KIF26B: variants seen among roughly 807,000 people sequenced by gnomAD.
KIF26B encodes kinesin-like protein KIF26B.
In KIF26B, 63 loss-of-function variants were observed where a neutral mutation model predicts 151.2. The ratio of observed to expected loss-of-function variants is 0.42; its 90% CI spans 0.34 to 0.51. The LOEUF (loss-of-function observed/expected upper bound fraction) is 0.51, where lower values mean the gene tolerates loss of function less well. Ranked by LOEUF, KIF26B falls within the 20% of genes least tolerant of loss-of-function variation. The probability of loss-of-function intolerance (pLI) is 0.07; values close to 1 mark genes in which losing one functional copy is unlikely to be tolerated. For missense variants in KIF26B, 2,813 were observed against 2,913.6 expected (o/e 0.97, Z 0.79); for synonymous variants, 1,357 against 1,262.1 (o/e 1.08, Z -1.59).
chr1:245,695,319 C>G (rs759356519), intron 12 of KIF26B, among the ~76,000 whole-genome samples: 1 of 152,134 alleles, frequency 6.6e-6, no homozygotes, highest in South Asian at 2.1e-4. Flanking sequence ...CCCTTCAGGC[C>G]ACTTCACTCC....
chr1:245,238,580 G>A (rs866614795), intron 2 of KIF26B, among the ~76,000 whole-genome samples: 14 of 152,224 alleles, frequency 9.2e-5, no homozygotes, highest in Middle Eastern at 3.4e-3. Context: ...GAACAATTGG[G>A]CTGGGCATGG....
intron 2 of KIF26B, among the ~76,000 whole-genome samples, chr1:245,347,130 T>C (rs938548595): frequency 6.6e-6 from 1 of 152,158 alleles, no homozygotes; most frequent in Non-Finnish European, 1.5e-5. Flanking sequence ...ACCATTAACT[T>C]CTAGTGGGCT....
chr1:245,476,007 CA>C (rs1175117378), intron 4 of KIF26B, among the ~76,000 whole-genome samples: 1 of 151,794 alleles, frequency 6.6e-6, no homozygotes, highest in African/African-American at 2.4e-5. Flanking sequence ...GGAAGTAACC[CA>C]AAGGTCTATC....
At chr1:245,459,403 T>C (rs1384500190) in intron 4 of KIF26B, among the ~76,000 whole-genome samples, 1 of 152,252 alleles carries the variant, frequency 6.6e-6, no homozygotes, top group East Asian at 1.9e-4. Flanking sequence ...CACCCGATTT[T>C]GTTTTTTGGA....
chr1:245,236,198 G>A (rs1190888786), intron 2 of KIF26B, among the ~76,000 whole-genome samples: 1 of 152,168 alleles, frequency 6.6e-6, no homozygotes. Context: ...AAAATGTTGG[G>A]ATTACAGGCG....
intron 4 of KIF26B, among the ~76,000 whole-genome samples, chr1:245,461,075 G>T (rs1325816572): frequency 1.3e-5 from 2 of 152,166 alleles, no homozygotes; most frequent in African/African-American, 2.4e-5. Context: ...GAGAAGCTGA[G>T]TGGAAACCAA....
In KIF26B at chr1:245,698,964, C is replaced by T. The variant is rs373134671; in HGVS notation, c.6105C>T (p.Tyr2035=). The part of the protein sequence containing the change: ...QQRIAEVRAK[Y]EWLMKELEAT... ...GGATCGCCGAGGTCCGCGCGAAGTA[C>T]GAGTGGCTGATGAAGGAGCTGGAGG... is the stretch of plus-strand genomic sequence containing the variant. Residue 2035 remains tyrosine, a synonymous_variant, in exon 14 of 15, where the codon TAC becomes TAT. Transcript: ENST00000407071. This position sits in a 1 kb window ranked among gnomAD's most constrained non-coding sequence, Gnocchi z 4.0. 73 of 1,614,014 alleles carry T rather than the reference C, an allele frequency of 4.5e-5. No homozygotes were observed. The African/African-American group carries it at 8.0e-4, about 18-fold the overall frequency.
At chr1:245,409,417 C>A (rs1674219975) in intron 3 of KIF26B, among the ~76,000 whole-genome samples, 1 of 152,202 alleles carries the variant, frequency 6.6e-6, no homozygotes, top group Admixed American at 6.5e-5. Context: ...GGGGCCAGAT[C>A]TGAGCCCCGA....
chr1:245,486,783 G>A (rs1399401281), intron 4 of KIF26B, among the ~76,000 whole-genome samples: 3 of 152,034 alleles, frequency 2.0e-5, no homozygotes, highest in Admixed American at 1.3e-4. Context: ...CCATCCTCTC[G>A]CCTCAGTCTC....
chr1:245,451,755 A>G (rs1442733167), intron 4 of KIF26B, among the ~76,000 whole-genome samples: 1 of 151,838 alleles, frequency 6.6e-6, no homozygotes, highest in Non-Finnish European at 1.5e-5. Flanking sequence ...ACCCGCCATC[A>G]TGACCAGCTA....
At chr1:245,607,847 C>A in intron 7 of KIF26B, 103 bp downstream of exon 7, 3 of 883,238 alleles carry the variant, frequency 3.4e-6, no homozygotes, top group Non-Finnish European at 5.3e-6. Context: ...GGAAGGGCTG[C>A]GTTTCTCTTA....
chr1:245,422,283 C>T (rs1474338638), intron 4 of KIF26B, among the ~76,000 whole-genome samples: 1 of 150,802 alleles, frequency 6.6e-6, no homozygotes, highest in Non-Finnish European at 1.5e-5. Flanking sequence ...CTATAGATTT[C>T]CCCCCCACCC....
At chr1:245,470,276 C>T (rs1006724270) in intron 4 of KIF26B, among the ~76,000 whole-genome samples, 3 of 152,000 alleles carry the variant, frequency 2.0e-5, no homozygotes, top group African/African-American at 7.3e-5. Flanking sequence ...GCGAACTAGG[C>T]TGTCACAATC....
At chr1:245,645,451 A>G (rs1037137357) in intron 9 of KIF26B, among the ~76,000 whole-genome samples, 1 of 152,198 alleles carries the variant, frequency 6.6e-6, no homozygotes, top group African/African-American at 2.4e-5. Context: ...CAGCAGAGGT[A>G]TTCATGGGCA....
intron 2 of KIF26B, among the ~76,000 whole-genome samples, chr1:245,203,629 A>G (rs1313167022): frequency 6.6e-6 from 1 of 152,182 alleles, no homozygotes; most frequent in Non-Finnish European, 1.5e-5. Context: ...AGATTTTCTT[A>G]CTTGTCTTCC....
intron 4 of KIF26B, among the ~76,000 whole-genome samples, chr1:245,440,159 C>T (rs1457667834): frequency 4.6e-5 from 7 of 151,492 alleles, no homozygotes; most frequent in East Asian, 1.9e-4. Context: ...AGGCGGAGCT[C>T]GCAGTGAGCC....
chr1:245,200,030 G>A (rs143216262), intron 2 of KIF26B, among the ~76,000 whole-genome samples: 10 of 152,288 alleles, frequency 6.6e-5, no homozygotes, highest in East Asian at 3.9e-4. Context: ...CTACACTTCC[G>A]TGCTATCATT....
intron 2 of KIF26B, among the ~76,000 whole-genome samples, chr1:245,325,862 A>C (rs2102989093): frequency 6.6e-6 from 1 of 152,260 alleles, no homozygotes; most frequent in East Asian, 1.9e-4. Flanking sequence ...TTTGTGACGT[A>C]GGTTTTCTGA....
At position 245,687,849 on chromosome 1, in the gene KIF26B, C is replaced by A; in HGVS notation, c.4866C>A (p.Gly1622=). 6.3e-7 allele frequency: 1 copy of A among 1,593,434 alleles called. No homozygotes were observed. The highest frequency in any genetic ancestry group is 8.5e-7 in the Non-Finnish European group (1 of 1,171,106). The part of the protein sequence containing the change: ...ASPQHSASGS[G]TSSPLNQPAA... ...CTCAGCACAGTGCCAGCGGCAGCGGCACCAGCAGCCCCCTGAACCAACCAG... is the reference window on the plus strand; with the variant it reads ...CTCAGCACAGTGCCAGCGGCAGCGGAACCAGCAGCCCCCTGAACCAACCAG... The change falls in exon 12 of 15, where the codon GGC becomes GGA. Residue 1622 remains glycine (G), a synonymous_variant. Coordinates refer to ENST00000407071, the MANE Select transcript of KIF26B (RefSeq NM_018012.4). The surrounding 1 kb of genome is among the most constrained non-coding windows in gnomAD (Gnocchi z 4.9).
Sources: allele counts gnomAD v4.1 joint callset (sites outside exome capture counted in the v4.1 genomes callset), GRCh38; gene constraint gnomAD v4.1.1; non-coding constraint Gnocchi (gnomAD v3.1); transcripts MANE v1.5; gene names NCBI Gene and HGNC (gene_info 2026-07-23, HGNC 2026-07-21).